WDR19: variants seen among roughly 807,000 people sequenced by gnomAD.
The protein encoded by WDR19 is WD repeat-containing protein 19.
In WDR19, 121 loss-of-function variants were observed where a neutral mutation model predicts 180.0. The ratio of observed to expected loss-of-function variants is 0.67; its 90% confidence interval spans 0.58 to 0.78. The LOEUF (loss-of-function observed/expected upper bound fraction) is 0.78, where lower values mean the gene tolerates loss of function less well. WDR19 is among the 30% of genes least tolerant of loss of function. The probability of loss-of-function intolerance (pLI) is 0.00; values close to 1 mark genes in which losing one functional copy is unlikely to be tolerated. For synonymous variants in WDR19, 497 were observed against 540.7 expected (o/e 0.92, Z 1.12); for missense variants, 1,450 against 1,640.7 (o/e 0.88, Z 2.01).
chr4:39,189,640 C>A lies in WDR19; in HGVS notation c.165-16C>A. On this transcript the variant is annotated splice_polypyrimidine_tract_variant and intron_variant, in intron 3 of 36. Transcript: ENST00000399820. ...TAAAAAACTGTATAGTGGTATTTTG[C>A]TCTCTTTTTTAAAAGTAACTGTGTT... The A allele has an allele frequency of 6.4e-7, 1 of 1,571,302 alleles. No individual in the cohort carries two copies. Among genetic ancestry groups the A allele is most frequent in the Non-Finnish European group, 8.6e-7 (1 of 1,162,362 alleles).
chr4:39,182,586 G>C (rs1362444716), intron 1 of WDR19, 23 bp downstream of exon 1: 3 of 1,613,548 alleles, frequency 1.9e-6, no homozygotes, highest in Non-Finnish European at 2.5e-6. Flanking sequence ...CAAATTCCCG[G>C]GGTGGGGCGG....
rs757632232 is a variant in WDR19, at chr4:39,255,859, A to G, written c.3013A>G (p.Thr1005Ala). Residue 1005 changes from threonine to alanine, a missense_variant, in exon 27 of 37, where the codon ACT (threonine) becomes GCT (alanine). Transcript: ENST00000399820. ...AACTTCTGTTACAGGTTCTGAAGAC[A>G]CTACTAATGAAGACTATCAAAGCAT... ...IYADIIGSED[T>A]TNEDYQSIAL... 2 of 1,590,480 alleles carry G rather than the reference A, an allele frequency of 1.3e-6. No individual in the cohort carries two copies. Among genetic ancestry groups the G allele is most frequent in the Non-Finnish European group, 1.7e-6 (2 of 1,167,698 alleles).
At chr4:39,217,894 G>A in intron 13 of WDR19, 89 bp from the exon 14 acceptor site, 4 of 1,500,396 alleles carry the variant, frequency 2.7e-6, no homozygotes, top group Middle Eastern at 1.8e-4. Context: ...TGAATGTTTA[G>A]GTGAACTTGA....
chr4:39,240,241 T>A, intron 20 of WDR19, 36 bp from the exon 21 acceptor site: 1 of 1,070,042 alleles, frequency 9.3e-7, no homozygotes, highest in Non-Finnish European at 1.2e-6. Flanking sequence ...AAATATATAT[T>A]AAAATTATTA....
At chr4:39,281,236 T>TATATATATAGAGAGAGAGAGAGAG (rs762298152) in intron 36 of WDR19, among the ~76,000 whole-genome samples, 1 of 104,032 alleles carries the variant, frequency 9.6e-6, no homozygotes, top group African/African-American at 5.2e-5. Flanking sequence ...TATATATATA[T>TATATATATAGAGAGAGAGAGAGAG]AGAGAGAGAG....
At chr4:39,186,501 AAAAG>A in intron 2 of WDR19, 34 bp from the exon 3 acceptor site, 7 of 1,288,858 alleles carry the variant, frequency 5.4e-6, no homozygotes, top group Admixed American at 2.9e-5. Context: ...AAAAAAAAAA[AAAAG>A]TAAATCATAT....
intron 4 of WDR19, among the ~76,000 whole-genome samples, chr4:39,191,324 C>T (rs1726128668): frequency 6.6e-6 from 1 of 152,138 alleles, no homozygotes; most frequent in South Asian, 2.1e-4. Context: ...TTGTACATGA[C>T]CACCTTGCTT....
intron 28 of WDR19, among the ~76,000 whole-genome samples, chr4:39,263,912 G>A (rs1357837633): frequency 3.8e-5 from 4 of 105,028 alleles, no homozygotes; most frequent in South Asian, 3.9e-4. Context: ...CAACAAGAGC[G>A]AAACTCCATC....
At position 39,228,363 on chromosome 4, in the gene WDR19, A is replaced by T; in HGVS notation, c.1777+6A>T. ...TCACAAGGACACTATACAAGGTACT[A>T]AACCCCTTTTGTGTATATTCGCTGA... On this transcript the variant is annotated splice_donor_region_variant and intron_variant, in intron 16 of 36. Transcript: ENST00000399820. The T allele has an allele frequency of 6.2e-7, 1 of 1,606,344 alleles. No homozygotes were observed. The highest frequency in any genetic ancestry group is 8.5e-7 in the Non-Finnish European group (1 of 1,174,606).
rs920681156 is a variant in WDR19, at chr4:39,231,922, A to G, written c.2108A>G (p.Asn703Ser). The G allele has an allele frequency of 9.9e-6, 16 of 1,613,588 alleles. No individual in the cohort carries two copies. The highest frequency in any genetic ancestry group is 1.3e-5 in the Non-Finnish European group (15 of 1,179,604). Residue 703 changes from asparagine (N) to serine (S), a missense_variant, in exon 18 of 37, where the codon AAT becomes AGT. Asn to Ser is a conservative substitution (Grantham distance 46). Transcript: ENST00000399820. Reference sequence around the variant, plus strand: ...ATCCGTGTTTATCGGAGAATTGGAAATGTTGGCATAGTGATGTCCTTGGAA... The same window carrying G: ...ATCCGTGTTTATCGGAGAATTGGAAGTGTTGGCATAGTGATGTCCTTGGAA... Reference protein sequence around the residue: ...FAIRVYRRIGNVGIVMSLEQI... With the variant: ...FAIRVYRRIGSVGIVMSLEQI...
chr4:39,197,416 ACT>A (rs1382355482), intron 5 of WDR19, among the ~76,000 whole-genome samples: 1 of 121,388 alleles, frequency 8.2e-6, no homozygotes, highest in Non-Finnish European at 1.7e-5. Flanking sequence ...ACAGAGCAAG[ACT>A]CTATCTCAAA....
intron 5 of WDR19, among the ~76,000 whole-genome samples, chr4:39,195,401 A>AAC (rs1726653114): frequency 1.3e-5 from 2 of 151,758 alleles, no homozygotes; most frequent in African/African-American, 4.8e-5. Context: ...CAAACAAAAA[A>AAC]AAACATTTAC....
intron 36 of WDR19, among the ~76,000 whole-genome samples, chr4:39,285,059 TC>T (rs1313458209): frequency 3.7e-5 from 4 of 108,962 alleles, no homozygotes; most frequent in African/African-American, 1.9e-4. Context: ...GACCCCATCA[TC>T]TCCTAGGAAA....
intron 9 of WDR19, among the ~76,000 whole-genome samples, chr4:39,210,170 T>G (rs932488103): frequency 6.6e-6 from 1 of 152,206 alleles, no homozygotes; most frequent in Non-Finnish European, 1.5e-5. Context: ...CAACTTATTT[T>G]ATAAGGCTAG....
chr4:39,257,485 G>A lies in WDR19; in HGVS notation c.3115-1G>A. The stretch of plus-strand genomic sequence containing the variant: ...TTTAATTGCTGTAATTCGCTTTTCA[G>A]GCACTTAAACACTTCCTGAAATGCC... On this transcript the variant is annotated splice_acceptor_variant, in intron 27 of 36. Transcript: ENST00000399820. LOFTEE classifies it high-confidence loss of function. 1 of 1,575,648 alleles carries A rather than the reference G, an allele frequency of 6.3e-7. No homozygotes were observed. Among genetic ancestry groups the A allele is most frequent in the East Asian group, 2.3e-5 (1 of 43,496 alleles).
intron 15 of WDR19, 141 bp downstream of exon 15, chr4:39,225,174 T>C: frequency 1.5e-6 from 1 of 662,736 alleles, no homozygotes. Flanking sequence ...CATAATATCA[T>C]GTTTATGATA....
intron 31 of WDR19, 31 bp from the exon 32 acceptor site, chr4:39,272,949 T>A: frequency 6.5e-7 from 1 of 1,537,062 alleles, no homozygotes; most frequent in Non-Finnish European, 8.8e-7. Context: ...TCAATGACTA[T>A]AAGAAGAGTA....
intron 28 of WDR19, among the ~76,000 whole-genome samples, chr4:39,263,076 A>T (rs962171194): frequency 1.6e-5 from 1 of 62,854 alleles, no homozygotes; most frequent in Non-Finnish European, 3.4e-5. Context: ...ACGCCCACCC[A>T]CCCCCAATCC....
At chr4:39,263,923 TAA>T (rs11461352) in intron 28 of WDR19, among the ~76,000 whole-genome samples, 4 of 140,436 alleles carry the variant, frequency 2.8e-5, no homozygotes, top group African/African-American at 2.6e-5. Context: ...AAACTCCATC[TAA>T]AAAAAAAAAA....
Sources: allele counts gnomAD v4.1 joint callset (sites outside exome capture counted in the v4.1 genomes callset), GRCh38; gene constraint gnomAD v4.1.1; transcripts MANE v1.5; gene names NCBI Gene and HGNC (gene_info 2026-07-23, HGNC 2026-07-21).